DOCK10: variants seen among roughly 807,000 people sequenced by gnomAD.
The protein encoded by DOCK10 is dedicator of cytokinesis 10, also known as dedicator of cytokinesis protein 10.
Under a neutral mutation model 280.1 loss-of-function variants are expected in DOCK10, and 145 were observed. The observed-to-expected ratio is 0.52, with a 90% CI of 0.45 to 0.59. The LOEUF (loss-of-function observed/expected upper bound fraction) is 0.59. Among genes scored for constraint, DOCK10 ranks in the 20% least tolerant of loss-of-function variants. The pLI, the probability that DOCK10 is intolerant of heterozygous loss-of-function variation, is 0.00. For synonymous variants in DOCK10, 915 were observed against 942.2 expected, an observed-to-expected ratio of 0.97 and a Z score of 0.53; for missense variants, 2,368 against 2,651.7, an observed-to-expected ratio of 0.89 and a Z score of 2.35.
chr2:225,041,099 T>C (rs962878822), intron 1 of DOCK10, among the ~76,000 whole-genome samples: 3 of 152,148 alleles, frequency 2.0e-5, no homozygotes, highest in Admixed American at 6.5e-5. Context: ...GCCAGGCAAT[T>C]TGCTTCCGTT....
Position 224,793,019 on chromosome 2 carries a change from G to A in DOCK10, c.5266C>T (p.His1756Tyr), listed in dbSNP as rs186248196. The stretch of plus-strand genomic sequence containing the variant: ...AGTAATGAGTTGCTATCACAGGGGT[G>A]GGTATCCTCCGAGAGCAGGGATGCT... ...CTASLLSEDT[H>Y]PCDSNSLLTT... Residue 1756 changes from histidine to tyrosine, a missense_variant, in exon 47 of 56, where the codon CAC becomes TAC. Around this residue, in one of 2 missense-constraint regions of DOCK10, gnomAD observed 1,159 missense variants for 1,400.8 expected, o/e 0.83. Coordinates refer to ENST00000258390, the MANE Select transcript of DOCK10 (RefSeq NM_014689.3). 9 of 1,613,628 alleles carry A rather than the reference G, an allele frequency of 5.6e-6. No individual in the cohort carries two copies. Among genetic ancestry groups the A allele is most frequent in the East Asian group, 4.5e-5 (2 of 44,870 alleles).
At chr2:224,844,260 G>C (rs566689270) in intron 22 of DOCK10, among the ~76,000 whole-genome samples, 1 of 152,138 alleles carries the variant, frequency 6.6e-6, no homozygotes, top group Non-Finnish European at 1.5e-5. Flanking sequence ...CCTCCCAAGT[G>C]GCTGGGATTA....
At chr2:224,959,699 A>G (rs1004940416) in intron 1 of DOCK10, among the ~76,000 whole-genome samples, 2 of 152,220 alleles carry the variant, frequency 1.3e-5, no homozygotes, top group African/African-American at 4.8e-5. Flanking sequence ...ATTTATTGAT[A>G]ATATCTTGCT....
chr2:224,896,691 T>G (rs1351801549), intron 3 of DOCK10, among the ~76,000 whole-genome samples: 1 of 152,096 alleles, frequency 6.6e-6, no homozygotes, highest in Non-Finnish European at 1.5e-5. Context: ...CACTCCAGCT[T>G]GAGTGACAGA....
At chr2:224,781,731 C>G (rs1691356522) in intron 50 of DOCK10, among the ~76,000 whole-genome samples, 2 of 152,160 alleles carry the variant, frequency 1.3e-5, no homozygotes, top group Admixed American at 1.3e-4. Context: ...TTCTTCTGCT[C>G]TGGTCAAGAA....
chr2:224,865,836 C>T (rs79777533), intron 11 of DOCK10, among the ~76,000 whole-genome samples: 4,816 of 135,940 alleles, frequency 0.035, 239 homozygotes, highest in African/African-American at 0.13. Flanking sequence ...CCTCCTGTTT[C>T]TCTCTCTCTC....
intron 1 of DOCK10, among the ~76,000 whole-genome samples, chr2:225,041,821 T>C (rs990257420): frequency 6.6e-6 from 1 of 152,098 alleles, no homozygotes; most frequent in Non-Finnish European, 1.5e-5. Context: ...ACTGGTCTGT[T>C]TACTGGAGGG....
intron 19 of DOCK10, among the ~76,000 whole-genome samples, chr2:224,846,165 A>AATTTAG (rs1361843401): frequency 1.3e-5 from 2 of 152,240 alleles, no homozygotes; most frequent in African/African-American, 2.4e-5. Flanking sequence ...GGATGATGAT[A>AATTTAG]ATTTAGAATA....
intron 14 of DOCK10, among the ~76,000 whole-genome samples, chr2:224,859,011 T>C (rs1574950349): frequency 6.6e-6 from 1 of 152,272 alleles, no homozygotes; most frequent in East Asian, 1.9e-4. Flanking sequence ...CACATAAAAG[T>C]GGTTTTCAGA....
In DOCK10 at chr2:224,849,592, T is replaced by C; in HGVS notation, c.2150A>G (p.Tyr717Cys). ...EESAKPLKCI[Y>C]GKPGGPLFTS... ...GAAGAGGGGCCCTCCAGGTTTTCCA[T>C]AAATACACTGTTTGAAAAGTTATGA... Residue 717 changes from tyrosine to cysteine, a missense_variant, in exon 19 of 56, where the codon TAT becomes TGT. Coordinates refer to ENST00000258390, the MANE Select transcript of DOCK10 (RefSeq NM_014689.3). The C allele has an allele frequency of 6.2e-7, 1 of 1,602,356 alleles. No individual in the cohort carries two copies. The highest frequency in any genetic ancestry group is 1.1e-5 in the South Asian group (1 of 88,870).
chr2:224,814,951 A>G (rs909284021), intron 30 of DOCK10, among the ~76,000 whole-genome samples: 5 of 152,178 alleles, frequency 3.3e-5, no homozygotes, highest in African/African-American at 7.2e-5. Context: ...TATTTATAGT[A>G]TCAGATCTAC....
intron 7 of DOCK10, among the ~76,000 whole-genome samples, chr2:224,885,418 C>T (rs1699220899): frequency 1.3e-5 from 2 of 152,178 alleles, no homozygotes; most frequent in African/African-American, 4.8e-5. Context: ...TTTTGTTTCT[C>T]TGTTTATTTT....
chr2:224,851,627 T>C, intron 18 of DOCK10, among the ~76,000 whole-genome samples: 1 of 152,058 alleles, frequency 6.6e-6, no homozygotes, highest in African/African-American at 2.4e-5. Context: ...TGGGGGTTAG[T>C]TAGAAATTAG....
At chr2:225,039,129 T>G (rs960343305) in intron 1 of DOCK10, among the ~76,000 whole-genome samples, 1 of 152,246 alleles carries the variant, frequency 6.6e-6, no homozygotes, top group African/African-American at 2.4e-5. Flanking sequence ...TTTTAAAAGA[T>G]GAGCTTCTTA....
chr2:224,843,333 T>C (rs1696101621), intron 22 of DOCK10, among the ~76,000 whole-genome samples: 1 of 152,090 alleles, frequency 6.6e-6, no homozygotes, highest in African/African-American at 2.4e-5. Context: ...AGAGGGTGTG[T>C]TGTGGTGAGT....
At chr2:224,854,500 A>T (rs190449120) in intron 16 of DOCK10, among the ~76,000 whole-genome samples, 1 of 152,312 alleles carries the variant, frequency 6.6e-6, no homozygotes, top group East Asian at 1.9e-4. Context: ...ACCCTCTGGC[A>T]GCACAATATG....
At position 224,773,297 on chromosome 2, in the gene DOCK10, A is replaced by AT; in HGVS notation, c.6063dup (p.Ser2022IlefsTer9). ...TCAATTGGATTCAGTTCTGTGCTCG[A>AT]TTGGCTAATTACTTGTATTCTCTTC... On this transcript the variant is annotated frameshift_variant, in exon 53 of 56. Transcript: ENST00000258390. LOFTEE classifies it high-confidence loss of function. 1 of 1,613,832 alleles carries AT rather than the reference A, an allele frequency of 6.2e-7. No individual in the cohort carries two copies. The highest frequency in any genetic ancestry group is 8.5e-7 in the Non-Finnish European group (1 of 1,179,864).
intron 11 of DOCK10, among the ~76,000 whole-genome samples, chr2:224,869,996 A>G (rs866117049): frequency 6.6e-5 from 10 of 152,192 alleles, no homozygotes; most frequent in South Asian, 2.1e-4. Context: ...TAATGATATG[A>G]TTTGGCTGTG....
chr2:224,840,002 T>A lies in DOCK10; in HGVS notation c.2732A>T (p.Lys911Ile). The part of the protein sequence containing the change: ...FLPIILNQLF[K>I]VLVQNEEDEI... ...ATCTTCCTCATTCTGTACCAGAACT[T>A]TGAAGAGCTGATTCAAAATTATAGG... The change falls in exon 24 of 56, where the codon AAA (lysine) becomes ATA (isoleucine). Residue 911 changes from lysine (K) to isoleucine (I), a missense_variant. Transcript: ENST00000258390. The A allele has an allele frequency of 3.2e-6, 5 of 1,565,136 alleles. No individual in the cohort carries two copies. Among genetic ancestry groups the A allele is most frequent in the Non-Finnish European group, 4.3e-6 (5 of 1,151,972 alleles).
Sources: gnomAD v4.1 joint callset for allele counts (sites outside exome capture counted in the v4.1 genomes callset) on GRCh38, gnomAD v4.1.1 for gene constraint, gnomAD v4.1.1 regional missense constraint, MANE v1.5 for transcripts, NCBI Gene and HGNC (gene_info 2026-07-23, HGNC 2026-07-21) for gene names.